Variants in GPD2 observed in about 807,000 individuals in gnomAD.
GPD2 encodes glycerol-3-phosphate dehydrogenase 2, also known as glycerol-3-phosphate dehydrogenase, mitochondrial.
GPD2 carries 54 observed loss-of-function variants against 82.4 expected under a neutral mutation model. The observed-to-expected ratio is 0.66, with a 90% confidence interval of 0.53 to 0.82. GPD2 has a LOEUF of 0.82. Ranked by LOEUF, GPD2 falls within the 40% of genes least tolerant of loss-of-function variation. GPD2 has a pLI of 0.00. For synonymous variants in GPD2, 288 were observed against 306.1 expected (o/e 0.94, Z 0.62); for missense variants, 748 against 896.2 (o/e 0.83, Z 2.11).
intron 2 of GPD2, among the ~76,000 whole-genome samples, chr2:156,484,817 G>A (rs1426985899): frequency 6.6e-6 from 1 of 152,178 alleles, no homozygotes; most frequent in East Asian, 1.9e-4. Flanking sequence ...TCCAGCCTGG[G>A]CAACACAGTG....
chr2:156,417,464 A>G, the GPD2 span, among the ~76,000 whole-genome samples: 1 of 152,168 alleles, frequency 6.6e-6, no homozygotes, highest in African/African-American at 2.4e-5. Context: ...TATCTTGTGT[A>G]TTCCAGTTCC....
In GPD2 at chr2:156,569,347, A is replaced by C; in HGVS notation, c.1301-16A>C. On this transcript the variant is annotated splice_polypyrimidine_tract_variant and intron_variant, in intron 10 of 16. Transcript: ENST00000438166. The stretch of plus-strand genomic sequence containing the variant: ...GGGGTGGCAACCTGATGAATTGTCT[A>C]TCAATTTCTTTATAGGTGGAAAGTG... 1 of 1,572,964 alleles carries C rather than the reference A, an allele frequency of 6.4e-7. No individual in the cohort carries two copies. The highest frequency in any genetic ancestry group is 8.7e-7 in the Non-Finnish European group (1 of 1,142,924).
chr2:156,513,288 C>G, intron 5 of GPD2, 45 bp from the exon 6 acceptor site: 2 of 1,316,950 alleles, frequency 1.5e-6, no homozygotes, highest in East Asian at 2.3e-5. Flanking sequence ...TTCTATAATG[C>G]TATACTCTGT....
the GPD2 span, among the ~76,000 whole-genome samples, chr2:156,415,339 T>C: frequency 6.6e-6 from 1 of 151,818 alleles, no homozygotes; most frequent in African/African-American, 2.4e-5. Context: ...TTCGTATTTT[T>C]AGTAGAGATG....
At chr2:156,510,231 T>C (rs150113763) in intron 3 of GPD2, among the ~76,000 whole-genome samples, 3 of 152,330 alleles carry the variant, frequency 2.0e-5, no homozygotes, top group African/African-American at 4.8e-5. Context: ...TTTCTTTCTT[T>C]CTTCCTTTCT....
chr2:156,578,907 A>G lies in GPD2; in HGVS notation c.1786A>G (p.Arg596Gly), dbSNP rs916040643. ...YKKQEQLETA[R>G]KFLYYEMGYK... ...GTTTTAGGAACAACTTGAAACAGCC[A>G]GGAAGTTTCTATATTATGAAATGGG... Residue 596 changes from arginine to glycine, a missense_variant, in exon 14 of 17, where the codon AGG (arginine) becomes GGG (glycine). Around this residue, in one of 3 missense-constraint regions of GPD2, gnomAD observed 692 missense variants for 809.7 expected, o/e 0.85. Coordinates refer to ENST00000438166, the MANE Select transcript of GPD2 (RefSeq NM_000408.5). 1.2e-6 allele frequency: 2 copies of G among 1,602,234 alleles called. No individual in the cohort carries two copies. The highest frequency in any genetic ancestry group is 1.7e-5 in the Admixed American group (1 of 59,994).
intron 2 of GPD2, chr2:156,495,736 G>C: frequency 2.5e-6 from 1 of 394,206 alleles, no homozygotes; most frequent in Non-Finnish European, 5.0e-6. Context: ...CCTTAGATAA[G>C]GTATTTGGGA....
intron 6 of GPD2, among the ~76,000 whole-genome samples, chr2:156,534,549 C>A (rs1029952758): frequency 6.6e-6 from 1 of 152,120 alleles, no homozygotes; most frequent in African/African-American, 2.4e-5. Context: ...TTGTTTACTT[C>A]TGTACTCTAT....
At chr2:156,531,326 C>T (rs1250713735) in intron 6 of GPD2, among the ~76,000 whole-genome samples, 1 of 152,128 alleles carries the variant, frequency 6.6e-6, no homozygotes, top group Non-Finnish European at 1.5e-5. Flanking sequence ...CTGGTTGATG[C>T]TTTTGATGTT....
intron 12 of GPD2, among the ~76,000 whole-genome samples, 160 bp from the exon 13 acceptor site, chr2:156,570,974 T>G (rs1262328894): frequency 6.6e-6 from 1 of 152,222 alleles, no homozygotes. Flanking sequence ...GGAAAACTTG[T>G]GTGATGCCAC....
rs545938849 is a variant in GPD2, at chr2:156,544,882, T to C, written c.662-4726T>C. ...TCTCCACAATATCTTTTAAGATACATTCTCCCTAAACTGCCTCATATGCCT... is the reference window on the plus strand; with the variant it reads ...TCTCCACAATATCTTTTAAGATACACTCTCCCTAAACTGCCTCATATGCCT... On this transcript the variant is annotated intron_variant, in intron 6 of 16. Transcript: ENST00000438166. Among the ~76,000 whole-genome samples the C allele has an allele frequency of 4.3e-4, 65 of 152,290 alleles. 1 individual carries two copies. The highest frequency in any genetic ancestry group is 1.0e-3 in the Admixed American group (16 of 15,290).
intron 6 of GPD2, among the ~76,000 whole-genome samples, chr2:156,544,535 T>C (rs1686454526): frequency 6.6e-6 from 1 of 152,148 alleles, no homozygotes; most frequent in African/African-American, 2.4e-5. Flanking sequence ...AGTTTATAGA[T>C]CTAACGGAAG....
chr2:156,470,910 C>T (rs569917622), intron 1 of GPD2, among the ~76,000 whole-genome samples: 1 of 152,300 alleles, frequency 6.6e-6, no homozygotes, highest in East Asian at 1.9e-4. Flanking sequence ...GTAGCAATTA[C>T]ATCTGTCAGT....
chr2:156,568,296 T>C (rs936010077), intron 9 of GPD2, among the ~76,000 whole-genome samples: 3 of 152,128 alleles, frequency 2.0e-5, no homozygotes, highest in Non-Finnish European at 4.4e-5. Context: ...CTATGTCAAG[T>C]GTTTGCACAG....
chr2:156,402,805 T>C, the GPD2 span, among the ~76,000 whole-genome samples: 1 of 152,176 alleles, frequency 6.6e-6, no homozygotes, highest in Non-Finnish European at 1.5e-5. Flanking sequence ...GGTGAGCCAC[T>C]GTGCCTGGCC....
Position 156,585,569 on chromosome 2 carries a change from T to A in GPD2, c.*2651T>A, listed in dbSNP as rs941891035. On this transcript the variant is annotated 3_prime_UTR_variant, in exon 17 of 17. Transcript: ENST00000438166. Reference sequence around the variant, plus strand: ...TTGCTTTCAATCAATTTATACTGAGTGTAACTTTAGGATTTCTGCTATTAA... The same window carrying A: ...TTGCTTTCAATCAATTTATACTGAGAGTAACTTTAGGATTTCTGCTATTAA... 2.0e-5 allele frequency: 3 copies of A among 152,450 alleles called. No individual in the cohort carries two copies. Among genetic ancestry groups the A allele is most frequent in the Non-Finnish European group, 4.4e-5 (3 of 67,966 alleles). The allele number at this position is 152,450 out of a possible 1,614,324, so 9.4% of individuals were successfully genotyped here. A position where few individuals can be genotyped will look rare whatever the true frequency, so the allele number is the denominator to read the frequency against.
chr2:156,496,773 G>A (rs1684397917), intron 3 of GPD2, among the ~76,000 whole-genome samples: 1 of 151,822 alleles, frequency 6.6e-6, no homozygotes, highest in Non-Finnish European at 1.5e-5. Context: ...TATATCACTT[G>A]AAATCACATA....
intron 6 of GPD2, among the ~76,000 whole-genome samples, chr2:156,545,074 G>A (rs1686478111): frequency 6.6e-6 from 1 of 152,108 alleles, no homozygotes; most frequent in Non-Finnish European, 1.5e-5. Flanking sequence ...TTATGTGCAT[G>A]CATGTGAGTA....
the GPD2 span, among the ~76,000 whole-genome samples, chr2:156,415,007 T>C: frequency 1.3e-5 from 2 of 152,160 alleles, no homozygotes; most frequent in Non-Finnish European, 2.9e-5. Context: ...CCATAGGTTA[T>C]TGGGGTTACG....
Sources: gnomAD v4.1 joint callset for allele counts (sites outside exome capture counted in the v4.1 genomes callset) on GRCh38, gnomAD v4.1.1 for gene constraint, gnomAD v4.1.1 regional missense constraint, MANE v1.5 for transcripts, NCBI Gene and HGNC (gene_info 2026-07-23, HGNC 2026-07-21) for gene names.